CPNE4: variants seen among roughly 807,000 people sequenced by gnomAD.
The protein encoded by CPNE4 is copine-4.
In CPNE4, 25 loss-of-function variants were observed where a neutral mutation model predicts 67.9. The observed-to-expected ratio is 0.37, with a 90% CI of 0.27 to 0.51. The LOEUF (loss-of-function observed/expected upper bound fraction) is 0.51. Among genes scored for constraint, CPNE4 ranks in the 20% least tolerant of loss-of-function variants. CPNE4 has a pLI of 0.93. For missense variants in CPNE4, 464 were observed against 690.8 expected (o/e 0.67, Z 3.68); for synonymous variants, 242 against 244.9 (o/e 0.99, Z 0.11).
chr3:131,638,116 A>G (rs1293030875), intron 7 of CPNE4, among the ~76,000 whole-genome samples: 1 of 152,120 alleles, frequency 6.6e-6, no homozygotes, highest in Non-Finnish European at 1.5e-5. Context: ...CTATATAGCA[A>G]TAACACAATG....
At chr3:132,028,101 G>T (rs2074154776) in intron 1 of CPNE4, among the ~76,000 whole-genome samples, 1 of 152,158 alleles carries the variant, frequency 6.6e-6, no homozygotes, top group Non-Finnish European at 1.5e-5. Flanking sequence ...GGTGCAAGTT[G>T]ATTAGATTTT....
At chr3:131,764,470 T>C (rs902251003) in intron 2 of CPNE4, among the ~76,000 whole-genome samples, 1 of 152,108 alleles carries the variant, frequency 6.6e-6, no homozygotes, top group Non-Finnish European at 1.5e-5. Context: ...AATGAAACAA[T>C]TGGAAGTCTG....
intron 2 of CPNE4, among the ~76,000 whole-genome samples, chr3:131,885,787 G>A (rs893717154): frequency 3.9e-5 from 6 of 151,930 alleles, no homozygotes; most frequent in Admixed American, 2.6e-4. Flanking sequence ...GAGAATATGC[G>A]GTGTTTGGTT....
chr3:131,609,740 A>G (rs1203271126), intron 7 of CPNE4, among the ~76,000 whole-genome samples: 1 of 152,184 alleles, frequency 6.6e-6, no homozygotes, highest in Admixed American at 6.5e-5. Context: ...TTAGCTAAGA[A>G]TTTTCAAGAA....
chr3:131,831,277 T>G (rs760806542), intron 2 of CPNE4, among the ~76,000 whole-genome samples: 1 of 152,194 alleles, frequency 6.6e-6, no homozygotes, highest in African/African-American at 2.4e-5. Context: ...ATTCAAGCAT[T>G]GACATTATTT....
intron 7 of CPNE4, among the ~76,000 whole-genome samples, chr3:131,617,654 T>C (rs1352747974): frequency 6.6e-6 from 1 of 152,218 alleles, no homozygotes; most frequent in Non-Finnish European, 1.5e-5. Flanking sequence ...GGCCCATCCT[T>C]AAGGACAAAG....
At chr3:131,886,914 T>C (rs1479133166) in intron 2 of CPNE4, among the ~76,000 whole-genome samples, 2 of 152,250 alleles carry the variant, frequency 1.3e-5, no homozygotes, top group African/African-American at 4.8e-5. Flanking sequence ...AGAAGGGACA[T>C]GCCTTGTCTC....
intron 10 of CPNE4, among the ~76,000 whole-genome samples, chr3:131,571,834 TTCAAGTTC>T (rs1399500687): frequency 6.6e-6 from 1 of 152,008 alleles, no homozygotes; most frequent in East Asian, 1.9e-4. Flanking sequence ...TTCAAAGCCC[TTCAAGTTC>T]TGACCCCAAA....
At chr3:131,951,903 C>T (rs1207518951) in intron 1 of CPNE4, among the ~76,000 whole-genome samples, 1 of 152,192 alleles carries the variant, frequency 6.6e-6, no homozygotes, top group East Asian at 1.9e-4. Flanking sequence ...GGTGTGATCT[C>T]GGCTCGCTAC....
chr3:131,592,141 C>G (rs2107708973), intron 7 of CPNE4, among the ~76,000 whole-genome samples: 1 of 152,284 alleles, frequency 6.6e-6, no homozygotes, highest in South Asian at 2.1e-4. Flanking sequence ...GTTTTCGTAC[C>G]TCCTTGATTT....
intron 6 of CPNE4, among the ~76,000 whole-genome samples, chr3:131,674,434 G>A (rs1242896719): frequency 6.6e-6 from 1 of 151,992 alleles, no homozygotes; most frequent in African/African-American, 2.4e-5. Flanking sequence ...GAATTCAGCA[G>A]TGAAGCCATC....
chr3:131,920,001 T>C (rs2070697421), intron 1 of CPNE4, among the ~76,000 whole-genome samples: 1 of 152,194 alleles, frequency 6.6e-6, no homozygotes, highest in African/African-American at 2.4e-5. Flanking sequence ...TGTAATTTAT[T>C]CCTCATTGCA....
chr3:131,630,810 G>A (rs550948626), intron 7 of CPNE4, among the ~76,000 whole-genome samples: 1 of 152,350 alleles, frequency 6.6e-6, no homozygotes, highest in East Asian at 1.9e-4. Flanking sequence ...TGAATAAAAT[G>A]TGTGTCTTAG....
intron 1 of CPNE4, among the ~76,000 whole-genome samples, chr3:131,995,219 C>T (rs1328262894): frequency 1.3e-5 from 2 of 152,112 alleles, no homozygotes; most frequent in Non-Finnish European, 2.9e-5. Flanking sequence ...CACACTCACA[C>T]ACCTGTTCAT....
intron 2 of CPNE4, among the ~76,000 whole-genome samples, chr3:131,834,491 A>G (rs1392792215): frequency 6.6e-6 from 1 of 152,172 alleles, no homozygotes; most frequent in African/African-American, 2.4e-5. Context: ...TTCTTTGAAG[A>G]AAAAGCGTAT....
At chr3:131,988,910 A>T (rs960727387) in intron 1 of CPNE4, among the ~76,000 whole-genome samples, 1 of 152,264 alleles carries the variant, frequency 6.6e-6, no homozygotes, top group Non-Finnish European at 1.5e-5. Flanking sequence ...CTGTGGACAT[A>T]AAGACCCCAA....
intron 7 of CPNE4, among the ~76,000 whole-genome samples, chr3:131,625,197 C>A (rs1337614588): frequency 6.6e-6 from 1 of 152,202 alleles, no homozygotes; most frequent in Non-Finnish European, 1.5e-5. Flanking sequence ...CTCCTCCCCT[C>A]AAACATCTAT....
intron 3 of CPNE4, among the ~76,000 whole-genome samples, chr3:131,712,430 C>A (rs1383423291): frequency 1.3e-5 from 2 of 152,146 alleles, no homozygotes; most frequent in African/African-American, 4.8e-5. Context: ...GACAGGTTAG[C>A]TTTTTAATGG....
chr3:131,683,570 G>A (rs9812296), intron 6 of CPNE4, among the ~76,000 whole-genome samples: 73,302 of 151,804 alleles, frequency 0.48, 17,894 homozygotes, highest in Middle Eastern at 0.56. Context: ...TCCTGGAGCC[G>A]TGTGCTGCAC....
Sources: gnomAD v4.1 joint callset for allele counts (sites outside exome capture counted in the v4.1 genomes callset) on GRCh38, gnomAD v4.1.1 for gene constraint, MANE v1.5 for transcripts, NCBI Gene and HGNC (gene_info 2026-07-23, HGNC 2026-07-21) for gene names.